The following ABTB3 variants were observed in gnomAD, a reference collection of about 807,000 sequenced individuals.
ABTB3 encodes the protein ankyrin repeat and BTB domain containing 3.
At chr12:107,510,209 C>T in the ABTB3 span, among the ~76,000 whole-genome samples, 2 of 152,126 alleles carry the variant, frequency 1.3e-5, no homozygotes, top group Non-Finnish European at 2.9e-5. Context: ...AGACATGGTG[C>T]CAGGACCCCC....
At chr12:107,586,095 AGGAGG>A in the ABTB3 span, among the ~76,000 whole-genome samples, 2 of 152,124 alleles carry the variant, frequency 1.3e-5, no homozygotes, top group Non-Finnish European at 2.9e-5. Flanking sequence ...AGAGGAAGTG[AGGAGG>A]GAGGGACAAG....
the ABTB3 span, among the ~76,000 whole-genome samples, chr12:107,452,351 C>T: frequency 1.3e-4 from 19 of 151,936 alleles, no homozygotes; most frequent in Non-Finnish European, 2.4e-4. Context: ...GGGACACAGG[C>T]GCCCACCACC....
At chr12:107,343,511 A>G in the ABTB3 span, among the ~76,000 whole-genome samples, 1 of 152,208 alleles carries the variant, frequency 6.6e-6, no homozygotes, top group Non-Finnish European at 1.5e-5. Flanking sequence ...CGATGCCACA[A>G]TGTGTTTGAC....
At chr12:107,633,769 T>G in the ABTB3 span, among the ~76,000 whole-genome samples, 1 of 152,210 alleles carries the variant, frequency 6.6e-6, no homozygotes, top group Non-Finnish European at 1.5e-5. Context: ...TTTCAGTGCA[T>G]GGAACCTGTG....
At chr12:107,532,836 C>A in the ABTB3 span, among the ~76,000 whole-genome samples, 1 of 151,996 alleles carries the variant, frequency 6.6e-6, no homozygotes. Context: ...TCAGCAGAAA[C>A]CTTATAGGCC....
the ABTB3 span, among the ~76,000 whole-genome samples, chr12:107,648,780 C>T: frequency 2.6e-5 from 4 of 152,112 alleles, no homozygotes; most frequent in Non-Finnish European, 5.9e-5. Flanking sequence ...CGCAGGGGAA[C>T]AACCCTCTGG....
chr12:107,617,400 T>A, the ABTB3 span: 1 of 1,614,160 alleles, frequency 6.2e-7, no homozygotes, highest in Non-Finnish European at 8.5e-7. Context: ...CAGGGTGATA[T>A]GAACTCTTTC....
chr12:107,575,472 A>G, the ABTB3 span, among the ~76,000 whole-genome samples: 5 of 152,152 alleles, frequency 3.3e-5, no homozygotes, highest in African/African-American at 1.2e-4. Context: ...AAAAATTACC[A>G]CACACGGACG....
the ABTB3 span, among the ~76,000 whole-genome samples, chr12:107,443,254 CT>C: frequency 9.1e-4 from 131 of 144,326 alleles, no homozygotes; most frequent in Non-Finnish European, 9.2e-4. Context: ...ATGGCGCGGC[CT>C]TTTTTTTTTT....
chr12:107,470,088 G>A, the ABTB3 span, among the ~76,000 whole-genome samples: 8 of 149,666 alleles, frequency 5.3e-5, no homozygotes, highest in Admixed American at 5.4e-4. Context: ...ACCCAGGCTG[G>A]AGCGCAGTGG....
chr12:107,635,638 G>A, the ABTB3 span, among the ~76,000 whole-genome samples: 1 of 152,216 alleles, frequency 6.6e-6, no homozygotes, highest in Admixed American at 6.5e-5. Flanking sequence ...AGACAGTGGG[G>A]GCTGCCAAAG....
At chr12:107,606,296 G>C in the ABTB3 span, among the ~76,000 whole-genome samples, 1 of 152,226 alleles carries the variant, frequency 6.6e-6, no homozygotes, top group Non-Finnish European at 1.5e-5. Context: ...CATTTCAATA[G>C]TGAGAATTCA....
At chr12:107,574,951 G>T in the ABTB3 span, among the ~76,000 whole-genome samples, 1 of 152,206 alleles carries the variant, frequency 6.6e-6, no homozygotes, top group African/African-American at 2.4e-5. Flanking sequence ...ATAGTAACCA[G>T]CTGTGGCCAC....
chr12:107,579,864 C>T, the ABTB3 span, among the ~76,000 whole-genome samples: 5 of 152,220 alleles, frequency 3.3e-5, no homozygotes, highest in South Asian at 2.1e-4. Context: ...TTTGCATCTA[C>T]GTAGTGCATT....
the ABTB3 span, among the ~76,000 whole-genome samples, chr12:107,473,728 G>A: frequency 6.6e-6 from 1 of 151,946 alleles, no homozygotes; most frequent in African/African-American, 2.4e-5. Context: ...GTTGTGTGTG[G>A]CTGTATTTTA....
chr12:107,418,207 C>A, the ABTB3 span, among the ~76,000 whole-genome samples: 1 of 152,150 alleles, frequency 6.6e-6, no homozygotes, highest in Non-Finnish European at 1.5e-5. Flanking sequence ...GGCAGAAAAA[C>A]CTTGAAAAGG....
chr12:107,452,657 T>G, the ABTB3 span, among the ~76,000 whole-genome samples: 1 of 151,928 alleles, frequency 6.6e-6, no homozygotes, highest in Non-Finnish European at 1.5e-5. Context: ...CTGGCCAACA[T>G]GATGAAACCC....
At chr12:107,618,593 AT>A in the ABTB3 span, among the ~76,000 whole-genome samples, 2 of 152,170 alleles carry the variant, frequency 1.3e-5, no homozygotes, top group African/African-American at 4.8e-5. Flanking sequence ...AGATAGCAGC[AT>A]CCTGCCTGCC....
the ABTB3 span, among the ~76,000 whole-genome samples, chr12:107,398,344 G>A: frequency 6.6e-6 from 1 of 152,230 alleles, no homozygotes; most frequent in Non-Finnish European, 1.5e-5. Flanking sequence ...AACCATGGCC[G>A]TGGGCCTGTC....
Sources: allele counts gnomAD v4.1 joint callset (sites outside exome capture counted in the v4.1 genomes callset), GRCh38; gene constraint gnomAD v4.1.1; transcripts MANE v1.5; gene names NCBI Gene and HGNC (gene_info 2026-07-23, HGNC 2026-07-21).